KANSL3: variants seen among roughly 807,000 people sequenced by gnomAD.
KANSL3 encodes the protein KAT8 regulatory NSL complex subunit 3.
KANSL3 carries 16 observed loss-of-function variants against 89.2 expected under a neutral mutation model. The ratio of observed to expected loss-of-function variants is 0.18; its 90% CI spans 0.12 to 0.27. The LOEUF is 0.27. KANSL3 is among the 10% of genes least tolerant of loss of function. The probability of loss-of-function intolerance (pLI) is 1.00; values close to 1 mark genes in which losing one functional copy is unlikely to be tolerated. For missense variants in KANSL3, 879 were observed against 1,110.6 expected (o/e 0.79, Z 2.96); for synonymous variants, 385 against 419.7 (o/e 0.92, Z 1.01).
At chr2:96,612,778 T>C (rs757376869) in intron 7 of KANSL3, 40 bp downstream of exon 7, 7 of 1,459,376 alleles carry the variant, frequency 4.8e-6, no homozygotes, top group Admixed American at 2.0e-5. Context: ...CAAGACTATA[T>C]TCCCTGCCAG....
chr2:96,604,464 C>A (rs1184384734), intron 16 of KANSL3, 84 bp from the exon 17 acceptor site: 1 of 1,491,986 alleles, frequency 6.7e-7, no homozygotes, highest in Non-Finnish European at 9.0e-7. Context: ...AGAGTGGGGC[C>A]CAGCAAGGCT....
At chr2:96,624,749 T>C (rs535522099) in intron 3 of KANSL3, among the ~76,000 whole-genome samples, 1 of 152,226 alleles carries the variant, frequency 6.6e-6, no homozygotes, top group South Asian at 2.1e-4. Context: ...CTCAAACTCC[T>C]GACCTCAAGT....
At chr2:96,582,188 G>C in the KANSL3 span, among the ~76,000 whole-genome samples, 1 of 152,140 alleles carries the variant, frequency 6.6e-6, no homozygotes, top group African/African-American at 2.4e-5. Context: ...CCAGGAGTTT[G>C]AGACCAGCTT....
At chr2:96,586,768 A>T in the KANSL3 span, among the ~76,000 whole-genome samples, 1 of 152,110 alleles carries the variant, frequency 6.6e-6, no homozygotes, top group African/African-American at 2.4e-5. Context: ...CATGACTCTT[A>T]ATTGTGTTCT....
chr2:96,590,123 T>A (rs2066262188), downstream of KANSL3, among the ~76,000 whole-genome samples: 1 of 151,856 alleles, frequency 6.6e-6, no homozygotes, highest in Non-Finnish European at 1.5e-5. Context: ...CGCATTGCAC[T>A]CCAGCCTGGG....
chr2:96,631,380 A>G lies in KANSL3; in HGVS notation c.318T>C (p.His106=), dbSNP rs1321413310. 6.2e-6 allele frequency: 10 copies of G among 1,611,876 alleles called. 1 individual carries two copies. Among genetic ancestry groups the G allele is most frequent in the Middle Eastern group, 1.6e-4 (1 of 6,076 alleles). The part of the protein sequence containing the change: ...ARSVMNECER[H]VIFARTDADA... The stretch of plus-strand genomic sequence containing the variant: ...CTGCATCAGTCCTGGCAAAGATGAC[A>G]TGCCGTTCACACTCATTCATCACGC... Residue 106 remains histidine (H), a synonymous_variant, in exon 3 of 21, where the codon CAT becomes CAC. Coordinates refer to ENST00000431828, the MANE Select transcript of KANSL3 (RefSeq NM_001115016.3).
Position 96,594,130 on chromosome 2 carries a change from G to C in KANSL3, c.*1481C>G, listed in dbSNP as rs1241854987. The C allele has an allele frequency of 6.6e-6, 1 of 152,230 alleles. No homozygotes were observed. Among genetic ancestry groups the C allele is most frequent in the Non-Finnish European group, 1.5e-5 (1 of 68,108 alleles). 9.4% of individuals were successfully genotyped at this position (152,230 alleles called of 1,614,324 possible). Reference sequence around the variant, plus strand: ...CTCCCTTCTGGCTGCCACTCAGACTGGCCAGGAAGGCTCCCAGATTGAACA... The same window carrying C: ...CTCCCTTCTGGCTGCCACTCAGACTCGCCAGGAAGGCTCCCAGATTGAACA... On this transcript the variant is annotated 3_prime_UTR_variant, in exon 21 of 21. Coordinates refer to ENST00000431828, the MANE Select transcript of KANSL3 (RefSeq NM_001115016.3).
chr2:96,590,388 G>C (rs1010931127), downstream of KANSL3, among the ~76,000 whole-genome samples: 39 of 151,874 alleles, frequency 2.6e-4, no homozygotes, highest in Admixed American at 1.6e-3. Flanking sequence ...GACCTCCCAG[G>C]CTCAAGCAAT....
intron 3 of KANSL3, among the ~76,000 whole-genome samples, chr2:96,620,408 T>C (rs116489770): frequency 2.0e-5 from 3 of 152,340 alleles, no homozygotes; most frequent in Non-Finnish European, 4.4e-5. Flanking sequence ...TATAAGCTAA[T>C]ATGTTATCAT....
intron 15 of KANSL3, among the ~76,000 whole-genome samples, 194 bp from the exon 16 acceptor site, chr2:96,605,057 C>T (rs889048522): frequency 6.6e-6 from 1 of 152,206 alleles, no homozygotes; most frequent in Admixed American, 6.5e-5. Flanking sequence ...ATATTCTGTA[C>T]CTTTAATTGA....
In KANSL3 at chr2:96,605,384, G is replaced by T; in HGVS notation, c.1869C>A (p.Ser623=). Residue 623 remains serine, a synonymous_variant, in exon 15 of 21, where the codon TCC becomes TCA. Transcript: ENST00000431828. ...CAGCTGTGTCCCCTTGGGAGATAAG[G>T]GACACCTTGATCTTCGGTCGTTTGG... ...KTSKRPKIKV[S]LISQGDTAGG... is the part of the protein sequence containing the mutation. 2 of 1,613,914 alleles carry T rather than the reference G, an allele frequency of 1.2e-6. No homozygotes were observed. Among genetic ancestry groups the T allele is most frequent in the Non-Finnish European group, 1.7e-6 (2 of 1,179,874 alleles).
rs1477999279 is a variant in KANSL3, at chr2:96,629,113, G to A, written c.386+2199C>T. Among the ~76,000 whole-genome samples, 4 of 152,310 alleles carry A rather than the reference G, an allele frequency of 2.6e-5. No homozygotes were observed. The South Asian group carries it at 8.3e-4, about 32-fold the overall frequency. On this transcript the variant is annotated intron_variant, in intron 3 of 20. Coordinates refer to ENST00000431828, the MANE Select transcript of KANSL3 (RefSeq NM_001115016.3). ...GTCATTGGGAGGATTAAGAGACAATGCATTTGAAGAGACATTGATACAATG... is the reference window on the plus strand; with the variant it reads ...GTCATTGGGAGGATTAAGAGACAATACATTTGAAGAGACATTGATACAATG...
At chr2:96,615,656 C>T in intron 5 of KANSL3, 1 of 362,122 alleles carries the variant, frequency 2.8e-6, no homozygotes, top group Non-Finnish European at 5.3e-6. Flanking sequence ...TTGTAAAACT[C>T]CAAAAATAGC....
chr2:96,604,437 C>A, intron 16 of KANSL3, 57 bp from the exon 17 acceptor site: 1 of 1,583,620 alleles, frequency 6.3e-7, no homozygotes, highest in Non-Finnish European at 8.5e-7. Context: ...CAAGCCCTAG[C>A]AACACTGGCA....
At chr2:96,609,604 G>A (rs781112369) in intron 11 of KANSL3, 42 bp from the exon 12 acceptor site, 1 of 1,484,204 alleles carries the variant, frequency 6.7e-7, no homozygotes, top group Admixed American at 1.7e-5. Flanking sequence ...CTTACACATT[G>A]CACGGCATCC....
At chr2:96,623,217 G>C (rs1053837929) in intron 3 of KANSL3, among the ~76,000 whole-genome samples, 1 of 152,178 alleles carries the variant, frequency 6.6e-6, no homozygotes, top group Admixed American at 6.5e-5. Flanking sequence ...TAAACAGCCA[G>C]GTCCCTATCC....
chr2:96,635,687 CAT>C (rs944748858), intron 2 of KANSL3, among the ~76,000 whole-genome samples: 44 of 152,294 alleles, frequency 2.9e-4, no homozygotes, highest in Non-Finnish European at 3.1e-4. Context: ...CTATTCTGCA[CAT>C]GTTTAAAACA....
chr2:96,612,858 C>T lies in KANSL3; in HGVS notation c.872G>A (p.Arg291His), dbSNP rs2069256754. The change falls in exon 7 of 21, where the codon CGC (arginine) becomes CAC (histidine). Residue 291 changes from arginine to histidine, a missense_variant. Arg to His is a conservative substitution (Grantham distance 29). Around this residue, in one of 6 missense-constraint regions of KANSL3, gnomAD observed 198 missense variants for 260.3 expected, o/e 0.76. Transcript: ENST00000431828. ...CAGCTGAGATTGCCAGAAGCGGTGG[C>T]GGCGTGAAGTGGGAAACACAGAGCT... ...PSSSVFPTSR[R>H]HRFWQSQLSC... The T allele has an allele frequency of 3.8e-6, 6 of 1,570,586 alleles. No individual in the cohort carries two copies. Among genetic ancestry groups the T allele is most frequent in the South Asian group, 1.2e-5 (1 of 85,158 alleles).
the KANSL3 span, among the ~76,000 whole-genome samples, chr2:96,581,465 G>A: frequency 6.6e-6 from 1 of 151,480 alleles, no homozygotes; most frequent in Non-Finnish European, 1.5e-5. Context: ...TTGTTCTTAA[G>A]GTGGTTACTG....
Sources: allele counts gnomAD v4.1 joint callset (sites outside exome capture counted in the v4.1 genomes callset), GRCh38; gene constraint gnomAD v4.1.1; regional missense constraint gnomAD v4.1.1; transcripts MANE v1.5; gene names NCBI Gene and HGNC (gene_info 2026-07-23, HGNC 2026-07-21).